The following PTPRD variants were observed in gnomAD, a reference collection of about 807,000 sequenced individuals.
PTPRD encodes receptor-type tyrosine-protein phosphatase delta.
Under a neutral mutation model 214.5 loss-of-function variants are expected in PTPRD, and 34 were observed. The observed-to-expected ratio is 0.16, with a 90% CI of 0.12 to 0.21. The LOEUF is 0.21. Among genes scored for constraint, PTPRD ranks in the 10% least tolerant of loss-of-function variants. PTPRD has a pLI of 1.00. For missense variants in PTPRD, 2,545 were observed against 2,398.7 expected (o/e 1.06, Z -1.27); for synonymous variants, 1,128 against 845.7 (o/e 1.33, Z -5.79).
intron 5 of PTPRD, among the ~76,000 whole-genome samples, chr9:9,865,746 AC>A (rs1263903056): frequency 2.6e-5 from 4 of 152,228 alleles, no homozygotes; most frequent in African/African-American, 9.6e-5. Flanking sequence ...TAGTTCCCTT[AC>A]TAAGAAATAT....
chr9:10,150,792 T>C (rs188003814), intron 3 of PTPRD, among the ~76,000 whole-genome samples: 1 of 152,222 alleles, frequency 6.6e-6, no homozygotes, highest in African/African-American at 2.4e-5. Flanking sequence ...ATGATGTAGT[T>C]TCCCTCAGAA....
At chr9:10,512,425 C>T (rs544498165) in intron 2 of PTPRD, among the ~76,000 whole-genome samples, 24 of 152,024 alleles carry the variant, frequency 1.6e-4, no homozygotes, top group Non-Finnish European at 2.2e-4. Context: ...TGGGTAAATG[C>T]TAATGGAAAG....
chr9:8,335,344 A>G (rs980825788), intron 43 of PTPRD, among the ~76,000 whole-genome samples: 1 of 152,102 alleles, frequency 6.6e-6, no homozygotes, highest in Non-Finnish European at 1.5e-5. Context: ...CAACATACAC[A>G]AATCAATAAA....
At chr9:8,677,052 C>T (rs934056689) in intron 12 of PTPRD, among the ~76,000 whole-genome samples, 3 of 152,100 alleles carry the variant, frequency 2.0e-5, no homozygotes, top group Non-Finnish European at 2.9e-5. Context: ...CATAATCAAA[C>T]GGCATTTTTA....
chr9:10,195,250 C>T (rs2099393305), intron 3 of PTPRD, among the ~76,000 whole-genome samples: 1 of 152,026 alleles, frequency 6.6e-6, no homozygotes, highest in African/African-American at 2.4e-5. Flanking sequence ...GCCTTAACAT[C>T]TCTATGTCTC....
At chr9:10,247,148 T>C (rs2154366640) in intron 3 of PTPRD, among the ~76,000 whole-genome samples, 1 of 152,190 alleles carries the variant, frequency 6.6e-6, no homozygotes, top group Middle Eastern at 3.4e-3. Flanking sequence ...AAAGTAAAAC[T>C]AGTTTGATTA....
At chr9:9,333,753 G>C (rs2043298446) in intron 9 of PTPRD, among the ~76,000 whole-genome samples, 1 of 151,400 alleles carries the variant, frequency 6.6e-6, no homozygotes, top group Non-Finnish European at 1.5e-5. Flanking sequence ...ATTCATATGA[G>C]GTCAAAATTT....
At chr9:9,430,003 G>T (rs1215097349) in intron 8 of PTPRD, among the ~76,000 whole-genome samples, 3 of 152,132 alleles carry the variant, frequency 2.0e-5, no homozygotes, top group East Asian at 3.9e-4. Context: ...AGACAGGGAT[G>T]CCCTCTCTCA....
chr9:9,257,063 T>C (rs73641279), intron 9 of PTPRD, among the ~76,000 whole-genome samples: 267 of 152,130 alleles, frequency 1.8e-3, no homozygotes, highest in African/African-American at 6.1e-3. Context: ...GTGTAAAACC[T>C]CCAATAAGAA....
intron 14 of PTPRD, among the ~76,000 whole-genome samples, chr9:8,600,935 T>C (rs1021347787): frequency 2.0e-5 from 3 of 151,788 alleles, no homozygotes; most frequent in Admixed American, 1.3e-4. Flanking sequence ...AGCTCAGCCA[T>C]AGTGGGGTAA....
At position 8,435,525 on chromosome 9, in the gene PTPRD, T is replaced by A. The variant is rs2890794; in HGVS notation, c.4086+1067A>T. On this transcript the variant is annotated intron_variant, in intron 35 of 45. Transcript: ENST00000381196. ...ATAACCTTTTATTATTTGGTATATC[T>A]ACAAGATTTTAGTTGTACATTTTAA... is the stretch of plus-strand genomic sequence containing the variant. Among the ~76,000 whole-genome samples, 69 of 152,092 alleles carry A rather than the reference T, an allele frequency of 4.5e-4. 1 individual carries two copies. In the East Asian group the frequency reaches 0.011, roughly 25 times the overall value.
chr9:8,374,109 C>G (rs984966155), intron 39 of PTPRD, among the ~76,000 whole-genome samples: 2 of 132,766 alleles, frequency 1.5e-5, no homozygotes, highest in Non-Finnish European at 3.1e-5. Flanking sequence ...TAATTACACA[C>G]GTGTCTGTGT....
chr9:10,488,615 T>A (rs1216768917), intron 2 of PTPRD, among the ~76,000 whole-genome samples: 1 of 152,054 alleles, frequency 6.6e-6, no homozygotes, highest in African/African-American at 2.4e-5. Flanking sequence ...ATAAAATACA[T>A]TAGAAGTCTA....
At chr9:8,745,715 G>C (rs2092717942) in intron 11 of PTPRD, among the ~76,000 whole-genome samples, 1 of 152,056 alleles carries the variant, frequency 6.6e-6, no homozygotes, top group Non-Finnish European at 1.5e-5. Flanking sequence ...ATAACATGCA[G>C]ACACATGTTT....
At chr9:8,565,089 G>T (rs1027619923) in intron 14 of PTPRD, among the ~76,000 whole-genome samples, 2 of 152,084 alleles carry the variant, frequency 1.3e-5, no homozygotes, top group Non-Finnish European at 2.9e-5. Flanking sequence ...TCAATGACGG[G>T]GAGAGACGAA....
intron 11 of PTPRD, among the ~76,000 whole-genome samples, chr9:8,755,790 G>A (rs1184889967): frequency 6.6e-6 from 1 of 152,058 alleles, no homozygotes; most frequent in African/African-American, 2.4e-5. Context: ...ACACAAAGTA[G>A]AATTGAACTC....
At chr9:8,538,624 C>CAT (rs1271623310) in intron 14 of PTPRD, among the ~76,000 whole-genome samples, 207 of 150,906 alleles carry the variant, frequency 1.4e-3, no homozygotes, top group Admixed American at 3.7e-3. Flanking sequence ...TATGTACACA[C>CAT]ATATATATAT....
chr9:10,166,131 A>T (rs185432977), intron 3 of PTPRD, among the ~76,000 whole-genome samples: 1 of 150,598 alleles, frequency 6.6e-6, no homozygotes, highest in East Asian at 1.9e-4. Context: ...ACATACATAA[A>T]CCTATGTTTT....
intron 9 of PTPRD, among the ~76,000 whole-genome samples, chr9:9,278,116 C>T (rs1461440204): frequency 6.6e-6 from 1 of 151,270 alleles, no homozygotes; most frequent in Admixed American, 6.6e-5. Context: ...TAGAATTAGA[C>T]ATTTTATTCA....
Sources: allele counts gnomAD v4.1 joint callset (sites outside exome capture counted in the v4.1 genomes callset), GRCh38; gene constraint gnomAD v4.1.1; transcripts MANE v1.5; gene names NCBI Gene and HGNC (gene_info 2026-07-23, HGNC 2026-07-21).